The following NRG3 variants were observed in gnomAD, a reference collection of about 807,000 sequenced individuals.
NRG3 encodes pro-neuregulin-3, membrane-bound isoform.
In NRG3, 31 loss-of-function variants were observed where a neutral mutation model predicts 66.9. The ratio of observed to expected loss-of-function variants is 0.46; its 90% CI spans 0.35 to 0.63. The LOEUF (loss-of-function observed/expected upper bound fraction) is 0.63. Among genes scored for constraint, NRG3 ranks in the 20% least tolerant of loss-of-function variants. The pLI, the probability that NRG3 is intolerant of heterozygous loss-of-function variation, is 0.00. For missense variants in NRG3, 910 were observed against 878.9 expected (o/e 1.04, Z -0.45); for synonymous variants, 393 against 359.4 (o/e 1.09, Z -1.06).
chr10:82,696,399 T>A (rs1292738497), intron 2 of NRG3, among the ~76,000 whole-genome samples: 4 of 152,102 alleles, frequency 2.6e-5, no homozygotes, highest in Non-Finnish European at 4.4e-5. Context: ...ATTACAGGAT[T>A]AACAAGGCTG....
chr10:82,547,936 C>T (rs114808997), intron 2 of NRG3, among the ~76,000 whole-genome samples: 1,729 of 151,390 alleles, frequency 0.011, 32 homozygotes, highest in African/African-American at 0.038. Context: ...GAAAGATAGA[C>T]TTATTTTCAA....
intron 6 of NRG3, among the ~76,000 whole-genome samples, chr10:82,973,076 C>T (rs537835184): frequency 1.9e-4 from 29 of 152,292 alleles, no homozygotes; most frequent in African/African-American, 6.5e-4. Flanking sequence ...CCTGTTCCAG[C>T]GCCCAGTGTG....
intron 1 of NRG3, among the ~76,000 whole-genome samples, chr10:82,139,866 T>C (rs897079994): frequency 7.9e-5 from 12 of 151,844 alleles, no homozygotes; most frequent in African/African-American, 2.9e-4. Flanking sequence ...AGTGTACAAC[T>C]ATCAGAACAA....
chr10:81,887,829 G>A (rs192052791), intron 1 of NRG3, among the ~76,000 whole-genome samples: 153 of 152,148 alleles, frequency 1.0e-3, no homozygotes, highest in African/African-American at 3.5e-3. Flanking sequence ...GGGGAGGAGG[G>A]GCAGGTAGTG....
intron 2 of NRG3, among the ~76,000 whole-genome samples, chr10:82,699,912 T>C (rs2055726807): frequency 6.6e-6 from 1 of 152,024 alleles, no homozygotes; most frequent in African/African-American, 2.4e-5. Flanking sequence ...ATTTCTAACA[T>C]ACACTATGAG....
chr10:82,285,412 T>G (rs1006633667), intron 1 of NRG3, among the ~76,000 whole-genome samples: 1 of 152,206 alleles, frequency 6.6e-6, no homozygotes, highest in Admixed American at 6.5e-5. Flanking sequence ...ACCAAACTTA[T>G]GATAGGAAAG....
intron 1 of NRG3, among the ~76,000 whole-genome samples, chr10:82,293,427 A>T (rs2079859408): frequency 6.6e-6 from 1 of 152,176 alleles, no homozygotes; most frequent in African/African-American, 2.4e-5. Context: ...ATTATTATTG[A>T]GCCATCATGA....
At chr10:82,683,942 G>A (rs2054307263) in intron 2 of NRG3, among the ~76,000 whole-genome samples, 2 of 152,164 alleles carry the variant, frequency 1.3e-5, no homozygotes, top group South Asian at 4.1e-4. Context: ...AAGCCCTGAG[G>A]TGCTATTTGC....
intron 1 of NRG3, among the ~76,000 whole-genome samples, chr10:82,041,918 C>T (rs1325256700): frequency 6.6e-6 from 1 of 152,106 alleles, no homozygotes; most frequent in East Asian, 1.9e-4. Context: ...CCTTATTTTA[C>T]AGTTAAAAAA....
chr10:82,324,184 T>C (rs1458652244), intron 1 of NRG3, among the ~76,000 whole-genome samples: 1 of 152,200 alleles, frequency 6.6e-6, no homozygotes, highest in African/African-American at 2.4e-5. Flanking sequence ...TTCTGTTTCA[T>C]CAAAGTGTTT....
At chr10:82,011,931 G>A (rs566508103) in intron 1 of NRG3, among the ~76,000 whole-genome samples, 20 of 152,234 alleles carry the variant, frequency 1.3e-4, no homozygotes, top group Non-Finnish European at 1.9e-4. Flanking sequence ...GCAAGCTGTC[G>A]GTGGATCTAT....
intron 2 of NRG3, among the ~76,000 whole-genome samples, chr10:82,489,164 G>A (rs1385426774): frequency 1.3e-5 from 2 of 152,184 alleles, no homozygotes; most frequent in Non-Finnish European, 2.9e-5. Flanking sequence ...CAACTAGTGT[G>A]ATTAAAATTG....
At chr10:82,113,207 C>T (rs1215776545) in intron 1 of NRG3, among the ~76,000 whole-genome samples, 1 of 151,992 alleles carries the variant, frequency 6.6e-6, no homozygotes, top group Non-Finnish European at 1.5e-5. Context: ...TCATTTAATC[C>T]CCACAACAAC....
chr10:82,890,145 T>A (rs1441148246), intron 4 of NRG3, among the ~76,000 whole-genome samples: 3 of 144,016 alleles, frequency 2.1e-5, no homozygotes, highest in South Asian at 2.3e-4. Context: ...TTTTTTTTTT[T>A]AAGTAATGTA....
intron 1 of NRG3, among the ~76,000 whole-genome samples, chr10:82,082,984 G>T (rs957236786): frequency 6.6e-6 from 1 of 151,222 alleles, no homozygotes; most frequent in Non-Finnish European, 1.5e-5. Flanking sequence ...TTTGTCACCA[G>T]GCTAGGGTGC....
chr10:82,607,359 T>G (rs979301558), intron 2 of NRG3, among the ~76,000 whole-genome samples: 6 of 128,536 alleles, frequency 4.7e-5, no homozygotes, highest in African/African-American at 1.6e-4. Context: ...CTGATAATTC[T>G]CTTTGCTCTG....
intron 2 of NRG3, among the ~76,000 whole-genome samples, chr10:82,390,097 G>T (rs1277798490): frequency 6.6e-6 from 1 of 152,022 alleles, no homozygotes; most frequent in Non-Finnish European, 1.5e-5. Flanking sequence ...CGTTTTTATG[G>T]GAATAAAACA....
intron 1 of NRG3, among the ~76,000 whole-genome samples, chr10:81,897,733 A>G (rs977592548): frequency 6.6e-6 from 1 of 152,178 alleles, no homozygotes; most frequent in African/African-American, 2.4e-5. Flanking sequence ...ATAGACATCT[A>G]TTGAAAGAAC....
At chr10:81,942,598 T>C (rs1848493397) in intron 1 of NRG3, among the ~76,000 whole-genome samples, 2 of 152,184 alleles carry the variant, frequency 1.3e-5, no homozygotes, top group Admixed American at 6.6e-5. Flanking sequence ...TGTTTTACAT[T>C]GTGAAGATAA....
Sources: allele counts gnomAD v4.1 joint callset (sites outside exome capture counted in the v4.1 genomes callset), GRCh38; gene constraint gnomAD v4.1.1; transcripts MANE v1.5; gene names NCBI Gene and HGNC (gene_info 2026-07-23, HGNC 2026-07-21).